The following PRKN variants were observed in gnomAD, a reference collection of about 807,000 sequenced individuals.
The protein encoded by PRKN is E3 ubiquitin-protein ligase parkin.
PRKN carries 56 observed loss-of-function variants against 59.5 expected under a neutral mutation model. The observed-to-expected ratio is 0.94, with a 90% CI of 0.76 to 1.18. The LOEUF (loss-of-function observed/expected upper bound fraction) is 1.18. PRKN is among the 50% of genes most tolerant of loss of function. The probability of loss-of-function intolerance (pLI) is 0.00; values close to 1 mark genes in which losing one functional copy is unlikely to be tolerated. For missense variants in PRKN, 657 were observed against 596.4 expected (o/e 1.10, Z -1.06); for synonymous variants, 250 against 222.1 (o/e 1.13, Z -1.12).
intron 1 of PRKN, among the ~76,000 whole-genome samples, chr6:162,713,322 G>A (rs1387783236): frequency 6.6e-6 from 1 of 151,926 alleles, no homozygotes; most frequent in Non-Finnish European, 1.5e-5. Context: ...GTGAAACCCC[G>A]TCTCTATTAA....
rs1295261196 is a variant in PRKN at position 161,584,025 on chromosome 6, C to G, written c.872-14609G>C. On this transcript the variant is annotated intron_variant, in intron 7 of 11. Transcript: ENST00000366898. This position sits in a 1 kb window ranked among gnomAD's most constrained non-coding sequence, Gnocchi z 4.8. ...TCAGAATTTGTCTACAAACTTAACA[C>G]CACCAATCACAGTGAGGCCAATGTC... Among the ~76,000 whole-genome samples the G allele has an allele frequency of 6.6e-6, 1 of 152,208 alleles. No homozygotes were observed. The highest frequency in any genetic ancestry group is 1.5e-5 in the Non-Finnish European group (1 of 68,048).
At position 161,401,298 on chromosome 6, in the gene PRKN, C is replaced by T. The variant is rs1210950659; in HGVS notation, c.1084-14421G>A. ...CTACCAAAGGCCAGTCTTGCTTTAGCACCAAAGAATTAATTTTAAAAGTTA... is the reference window on the plus strand; with the variant it reads ...CTACCAAAGGCCAGTCTTGCTTTAGTACCAAAGAATTAATTTTAAAAGTTA... On this transcript the variant is annotated intron_variant, in intron 9 of 11. Coordinates refer to ENST00000366898, the MANE Select transcript of PRKN (RefSeq NM_004562.3). This position sits in a 1 kb window ranked among gnomAD's most constrained non-coding sequence, Gnocchi z 4.4. Among the ~76,000 whole-genome samples the T allele has an allele frequency of 6.6e-6, 1 of 152,044 alleles. No individual in the cohort carries two copies. Among genetic ancestry groups the T allele is most frequent in the South Asian group, 2.1e-4 (1 of 4,816 alleles).
At chr6:162,273,107 T>G (rs535436264) in intron 2 of PRKN, among the ~76,000 whole-genome samples, 1 of 131,278 alleles carries the variant, frequency 7.6e-6, no homozygotes, top group Admixed American at 7.6e-5. Flanking sequence ...AAGCAGAAAA[T>G]AGAATATAGT....
intron 1 of PRKN, among the ~76,000 whole-genome samples, chr6:162,600,881 AC>A (rs2128216668): frequency 6.6e-6 from 1 of 152,192 alleles, no homozygotes; most frequent in South Asian, 2.1e-4. Context: ...TTCCTGTACA[AC>A]TTGCAGAACC....
chr6:162,293,804 G>A (rs548000626), intron 2 of PRKN, among the ~76,000 whole-genome samples: 5 of 152,256 alleles, frequency 3.3e-5, no homozygotes, highest in Non-Finnish European at 5.9e-5. Context: ...AGAGACAGAG[G>A]AAGAAGGGAG....
In PRKN at chr6:161,472,103, A is replaced by G. The variant is rs1042963612; in HGVS notation, c.1083+76751T>C. Among the ~76,000 whole-genome samples the G allele has an allele frequency of 1.2e-4, 19 of 152,272 alleles. 1 individual carries two copies. Among genetic ancestry groups the G allele is most frequent in the African/African-American group, 4.3e-4 (18 of 41,558 alleles). On this transcript the variant is annotated intron_variant, in intron 9 of 11. Coordinates refer to ENST00000366898, the MANE Select transcript of PRKN (RefSeq NM_004562.3). The stretch of plus-strand genomic sequence containing the variant: ...ACCAGGGTGTTTTGTAGAGTTGGTA[A>G]TCTTCTTCATGGCCTGCTTTAATGA...
intron 4 of PRKN, among the ~76,000 whole-genome samples, chr6:162,112,901 C>T (rs540677384): frequency 6.6e-6 from 1 of 152,236 alleles, no homozygotes; most frequent in East Asian, 1.9e-4. Context: ...CCACCCTGCA[C>T]AACAGAGCAA....
intron 1 of PRKN, among the ~76,000 whole-genome samples, chr6:162,498,446 T>TC (rs1211004764): frequency 1.4e-4 from 16 of 111,142 alleles, no homozygotes; most frequent in African/African-American, 5.8e-4. Flanking sequence ...TTTCTTTTTT[T>TC]TTTTTTTTTT....
chr6:162,364,705 A>G (rs1480481177), intron 2 of PRKN, among the ~76,000 whole-genome samples: 2 of 152,154 alleles, frequency 1.3e-5, no homozygotes, highest in Admixed American at 6.6e-5. Context: ...TGAAATTTAA[A>G]CCAGAAAATG....
At chr6:162,277,502 ATGATAAC>A (rs1274699645) in intron 2 of PRKN, among the ~76,000 whole-genome samples, 2 of 152,214 alleles carry the variant, frequency 1.3e-5, no homozygotes, top group Admixed American at 6.5e-5. Flanking sequence ...ATAAAGATAC[ATGATAAC>A]TGAATGTGAT....
chr6:161,567,993 T>A (rs60488028), intron 8 of PRKN, among the ~76,000 whole-genome samples: 8,924 of 152,268 alleles, frequency 0.059, 301 homozygotes, highest in African/African-American at 0.082. Flanking sequence ...ACGGGATAAC[T>A]GATTTCACTT....
At chr6:162,158,837 AG>A (rs1782639583) in intron 4 of PRKN, among the ~76,000 whole-genome samples, 1 of 151,934 alleles carries the variant, frequency 6.6e-6, no homozygotes, top group Non-Finnish European at 1.5e-5. Flanking sequence ...GCTTCAAACG[AG>A]TCTCGTATGA....
chr6:162,066,865 G>A (rs1358152390), intron 4 of PRKN, among the ~76,000 whole-genome samples: 1 of 152,200 alleles, frequency 6.6e-6, no homozygotes. Context: ...TTGTCTTTAT[G>A]TTGTGGCAGA....
In PRKN at chr6:161,487,397, C is replaced by T. The variant is rs80144397; in HGVS notation, c.1083+61457G>A. Among the ~76,000 whole-genome samples the T allele has an allele frequency of 0.023, 3,534 of 152,118 alleles. 57 individuals carry two copies. Among genetic ancestry groups the T allele is most frequent in the Middle Eastern group, 0.044 (13 of 294 alleles). ...CCAAGGCAAGGAAGACAGTCTGGGGCCTGTGGGATGGCAAAGGAATTTTCT... is the reference window on the plus strand; with the variant it reads ...CCAAGGCAAGGAAGACAGTCTGGGGTCTGTGGGATGGCAAAGGAATTTTCT... On this transcript the variant is annotated intron_variant, in intron 9 of 11. Coordinates refer to ENST00000366898, the MANE Select transcript of PRKN (RefSeq NM_004562.3). This position sits in a 1 kb window ranked among gnomAD's most constrained non-coding sequence, Gnocchi z 5.3.
At chr6:162,609,891 C>T (rs576086315) in intron 1 of PRKN, among the ~76,000 whole-genome samples, 2 of 152,188 alleles carry the variant, frequency 1.3e-5, no homozygotes, top group East Asian at 3.9e-4. Flanking sequence ...CGTTCTTAAA[C>T]GCATAACACA....
chr6:162,268,822 C>T (rs1780245425), intron 2 of PRKN, among the ~76,000 whole-genome samples: 1 of 152,104 alleles, frequency 6.6e-6, no homozygotes, highest in African/African-American at 2.4e-5. Context: ...TACAGGGGCC[C>T]ATGGTGAAGA....
At chr6:162,021,438 A>AATATATATATATATATAT (rs1193427302) in intron 5 of PRKN, among the ~76,000 whole-genome samples, 4 of 120,790 alleles carry the variant, frequency 3.3e-5, no homozygotes, top group African/African-American at 1.3e-4. Flanking sequence ...CATTACAGGG[A>AATATATATATATATATAT]ATATATATAT....
chr6:162,638,404 T>C (rs1339031250), intron 1 of PRKN, among the ~76,000 whole-genome samples: 1 of 152,160 alleles, frequency 6.6e-6, no homozygotes, highest in Non-Finnish European at 1.5e-5. Context: ...CAACTCTGTC[T>C]CCCTGGTAAC....
intron 7 of PRKN, among the ~76,000 whole-genome samples, chr6:161,654,396 A>G (rs1271050344): frequency 6.6e-6 from 1 of 152,162 alleles, no homozygotes; most frequent in African/African-American, 2.4e-5. Flanking sequence ...AGCAAAGGCC[A>G]CTTCCGGGAG....
Sources: gnomAD v4.1 joint callset for allele counts (sites outside exome capture counted in the v4.1 genomes callset) on GRCh38, gnomAD v4.1.1 for gene constraint, Gnocchi (gnomAD v3.1) non-coding constraint, MANE v1.5 for transcripts, NCBI Gene and HGNC (gene_info 2026-07-23, HGNC 2026-07-21) for gene names.